Variants in CDH20 observed in about 807,000 individuals in gnomAD.
CDH20 encodes cadherin-20.
CDH20 carries 29 observed loss-of-function variants against 74.2 expected under a neutral mutation model. The observed-to-expected ratio is 0.39, with a 90% CI of 0.29 to 0.53. The LOEUF is 0.53. Ranked by LOEUF, CDH20 falls within the 20% of genes least tolerant of loss-of-function variation. The pLI, the probability that CDH20 is intolerant of heterozygous loss-of-function variation, is 0.69. For missense variants in CDH20, 988 were observed against 1,048.3 expected, an observed-to-expected ratio of 0.94 and a Z score of 0.79; for synonymous variants, 469 against 405.4, an observed-to-expected ratio of 1.16 and a Z score of -1.88.
chr18:61,375,563 C>T (rs1005657590), intron 1 of CDH20, among the ~76,000 whole-genome samples: 2 of 152,118 alleles, frequency 1.3e-5, no homozygotes, highest in African/African-American at 2.4e-5. Flanking sequence ...ACAAGGAAGC[C>T]GTTTCATTCT....
At chr18:61,388,838 T>C (rs1911681070) in intron 1 of CDH20, among the ~76,000 whole-genome samples, 1 of 152,186 alleles carries the variant, frequency 6.6e-6, no homozygotes, top group African/African-American at 2.4e-5. Context: ...TGCTCCTCCA[T>C]CTACTAGGCA....
chr18:61,394,094 C>A (rs1282534581), intron 1 of CDH20, among the ~76,000 whole-genome samples: 1 of 152,130 alleles, frequency 6.6e-6, no homozygotes. Flanking sequence ...TCTCTACCTC[C>A]CCCAAGTTCA....
chr18:61,412,224 T>C (rs1912535550), intron 1 of CDH20, among the ~76,000 whole-genome samples: 1 of 151,982 alleles, frequency 6.6e-6, no homozygotes, highest in Admixed American at 6.5e-5. Context: ...TTCACTGAAA[T>C]GGAAATACAA....
At chr18:61,458,530 T>G (rs1423598789) in intron 1 of CDH20, among the ~76,000 whole-genome samples, 1 of 152,126 alleles carries the variant, frequency 6.6e-6, no homozygotes. Context: ...TGGCAAGCAA[T>G]TGTTCTCCAC....
intron 1 of CDH20, among the ~76,000 whole-genome samples, chr18:61,462,230 A>G (rs1477419074): frequency 6.6e-6 from 1 of 152,166 alleles, no homozygotes; most frequent in Non-Finnish European, 1.5e-5. Context: ...GGATATATTA[A>G]TTAGCTTGCT....
chr18:61,373,547 G>A (rs746992791), intron 1 of CDH20, among the ~76,000 whole-genome samples: 1 of 152,024 alleles, frequency 6.6e-6, no homozygotes, highest in Non-Finnish European at 1.5e-5. Flanking sequence ...CTTCTCCAGC[G>A]CTCCTTCCAA....
intron 1 of CDH20, among the ~76,000 whole-genome samples, chr18:61,437,873 T>C (rs1908888552): frequency 6.6e-6 from 1 of 152,206 alleles, no homozygotes; most frequent in South Asian, 2.1e-4. Context: ...ATTCATTCTG[T>C]CCATACTATG....
At chr18:61,438,663 T>C (rs1224825558) in intron 1 of CDH20, among the ~76,000 whole-genome samples, 2 of 152,128 alleles carry the variant, frequency 1.3e-5, no homozygotes, top group Non-Finnish European at 2.9e-5. Flanking sequence ...GTGGGAATGT[T>C]AATTAATTCA....
At chr18:61,455,231 G>T (rs1909532201) in intron 1 of CDH20, among the ~76,000 whole-genome samples, 1 of 152,164 alleles carries the variant, frequency 6.6e-6, no homozygotes, top group Non-Finnish European at 1.5e-5. Flanking sequence ...GGAGACTAAA[G>T]AGCTGGGACA....
At chr18:61,374,218 G>A (rs947545421) in intron 1 of CDH20, among the ~76,000 whole-genome samples, 3 of 152,006 alleles carry the variant, frequency 2.0e-5, no homozygotes, top group African/African-American at 7.2e-5. Context: ...CGTATGAAAC[G>A]CCTTAATTGA....
chr18:61,339,643 T>C (rs1052454242), intron 1 of CDH20, among the ~76,000 whole-genome samples: 3 of 151,956 alleles, frequency 2.0e-5, no homozygotes, highest in African/African-American at 4.8e-5. Context: ...AAGTGATAAT[T>C]TGATTCCATG....
intron 1 of CDH20, among the ~76,000 whole-genome samples, chr18:61,375,538 C>T (rs1401086855): frequency 2.0e-5 from 3 of 152,140 alleles, no homozygotes; most frequent in Non-Finnish European, 2.9e-5. Context: ...TCACAGACTT[C>T]CTGTAGGTCA....
intron 1 of CDH20, among the ~76,000 whole-genome samples, chr18:61,485,997 C>A (rs980664649): frequency 6.6e-6 from 1 of 152,086 alleles, no homozygotes; most frequent in African/African-American, 2.4e-5. Context: ...GGCGTGAACC[C>A]GGGAGGCGGA....
intron 1 of CDH20, among the ~76,000 whole-genome samples, chr18:61,354,577 C>T (rs372564004): frequency 3.5e-4 from 53 of 151,922 alleles, no homozygotes; most frequent in African/African-American, 1.2e-3. Flanking sequence ...CCACTGCACT[C>T]CAGACTGGGC....
At chr18:61,425,414 G>A (rs1396340117) in intron 1 of CDH20, among the ~76,000 whole-genome samples, 1 of 152,220 alleles carries the variant, frequency 6.6e-6, no homozygotes, top group East Asian at 1.9e-4. Flanking sequence ...AGGAACGGCT[G>A]AGGGGGCAGA....
chr18:61,490,925 G>A, intron 2 of CDH20, 126 bp downstream of exon 2: 2 of 959,000 alleles, frequency 2.1e-6, no homozygotes, highest in Non-Finnish European at 3.2e-6. Context: ...TACGTTACTT[G>A]ACACCTAGCT....
At chr18:61,524,549 T>C (rs1386468110) in intron 6 of CDH20, among the ~76,000 whole-genome samples, 1 of 152,130 alleles carries the variant, frequency 6.6e-6, no homozygotes, top group East Asian at 1.9e-4. Context: ...AAAACACAAA[T>C]GTATCTCTAG....
chr18:61,450,702 A>T (rs1568144264), intron 1 of CDH20, among the ~76,000 whole-genome samples: 1 of 152,008 alleles, frequency 6.6e-6, no homozygotes, highest in Non-Finnish European at 1.5e-5. Context: ...TAGAGATATA[A>T]TTTTTTACAA....
chr18:61,539,342 A>G (rs1309165652), intron 9 of CDH20, among the ~76,000 whole-genome samples, 197 bp downstream of exon 9: 1 of 152,202 alleles, frequency 6.6e-6, no homozygotes, highest in East Asian at 1.9e-4. Flanking sequence ...GTGGTGGCTC[A>G]TGCCTGTAAT....
Sources: allele counts gnomAD v4.1 joint callset (sites outside exome capture counted in the v4.1 genomes callset), GRCh38; gene constraint gnomAD v4.1.1; transcripts MANE v1.5; gene names NCBI Gene and HGNC (gene_info 2026-07-23, HGNC 2026-07-21).